VPS53: variants seen among roughly 807,000 people sequenced by gnomAD.
VPS53 encodes vacuolar protein sorting-associated protein 53 homolog.
In VPS53, 70 loss-of-function variants were observed where a neutral mutation model predicts 107.0. The observed-to-expected ratio is 0.65, with a 90% confidence interval of 0.54 to 0.80. The LOEUF (loss-of-function observed/expected upper bound fraction) is 0.80. Ranked by LOEUF, VPS53 falls within the 30% of genes least tolerant of loss-of-function variation. The probability of loss-of-function intolerance (pLI) is 0.00; values close to 1 mark genes in which losing one functional copy is unlikely to be tolerated. For missense variants in VPS53, 917 were observed against 1,049.4 expected (o/e 0.87, Z 1.74); for synonymous variants, 409 against 393.3 (o/e 1.04, Z -0.47).
chr17:626,721 G>T (rs1405493861), intron 10 of VPS53, among the ~76,000 whole-genome samples: 1 of 152,168 alleles, frequency 6.6e-6, no homozygotes, highest in Admixed American at 6.5e-5. Flanking sequence ...ACTGTATTGG[G>T]AGTGGGAAAT....
chr17:545,471 T>A (rs1911108509), intron 17 of VPS53, among the ~76,000 whole-genome samples: 1 of 152,206 alleles, frequency 6.6e-6, no homozygotes, highest in Admixed American at 6.5e-5. Flanking sequence ...CCTAAAGGTT[T>A]CAGGGATTCT....
At chr17:521,818 T>C in intron 19 of VPS53, 80 bp from the exon 20 acceptor site, 1 of 1,356,184 alleles carries the variant, frequency 7.4e-7, no homozygotes, top group Non-Finnish European at 9.6e-7. Context: ...GAGTCATGTT[T>C]TTCTCGTTAT....
intron 14 of VPS53, among the ~76,000 whole-genome samples, chr17:561,758 C>G (rs1253227503): frequency 1.3e-5 from 2 of 152,146 alleles, no homozygotes; most frequent in African/African-American, 4.8e-5. Context: ...GCCTCCCGAG[C>G]AGCCGGGACT....
At chr17:565,775 C>T (rs1221672508) in intron 13 of VPS53, among the ~76,000 whole-genome samples, 7 of 152,188 alleles carry the variant, frequency 4.6e-5, no homozygotes, top group Non-Finnish European at 7.3e-5. Flanking sequence ...CTGGCCAAAA[C>T]GCTCTCCCAC....
At chr17:564,918 T>TG (rs766779849) in intron 13 of VPS53, among the ~76,000 whole-genome samples, 9 of 152,146 alleles carry the variant, frequency 5.9e-5, no homozygotes, top group Non-Finnish European at 1.2e-4. Context: ...GTGTGAAGAA[T>TG]GGGAAGGGTT....
chr17:671,852 C>A (rs1971960834), intron 4 of VPS53, among the ~76,000 whole-genome samples: 1 of 152,034 alleles, frequency 6.6e-6, no homozygotes. Flanking sequence ...CCACACCCAG[C>A]TAATTTTTGT....
At position 532,987 on chromosome 17, in the gene VPS53, C is replaced by T. The variant is rs556742061; in HGVS notation, c.2016-76G>A. ...GAAATGCAAAAACTTTAAGGTTCCA[C>T]GTATCTCCATGAAAAAACCTTTTTT... is the stretch of plus-strand genomic sequence containing the variant. On this transcript the variant is annotated intron_variant, in intron 18 of 21. Transcript: ENST00000437048. The T allele has an allele frequency of 6.6e-5, 102 of 1,538,296 alleles. No individual in the cohort carries two copies. In the East Asian group the frequency reaches 2.2e-3, roughly 33 times the overall value.
intron 11 of VPS53, among the ~76,000 whole-genome samples, chr17:604,167 T>C (rs1235306052): frequency 6.6e-6 from 1 of 152,190 alleles, no homozygotes; most frequent in African/African-American, 2.4e-5. Flanking sequence ...TTTTAAAACA[T>C]AATGTGTTAT....
intron 11 of VPS53, among the ~76,000 whole-genome samples, chr17:618,910 C>G (rs992962970): frequency 2.1e-5 from 3 of 145,792 alleles, no homozygotes; most frequent in African/African-American, 7.7e-5. Context: ...CTAATATTTT[C>G]TGGGTAGCTG....
At chr17:544,603 G>A (rs1911040985) in intron 17 of VPS53, among the ~76,000 whole-genome samples, 1 of 152,168 alleles carries the variant, frequency 6.6e-6, no homozygotes, top group African/African-American at 2.4e-5. Flanking sequence ...CTCCCAAGTA[G>A]CTAAAAGATC....
At chr17:583,822 C>T (rs966407386) in intron 13 of VPS53, among the ~76,000 whole-genome samples, 1 of 150,766 alleles carries the variant, frequency 6.6e-6, no homozygotes, top group East Asian at 2.0e-4. Context: ...CCCAGAGAAC[C>T]TCCTTCAGAA....
intron 4 of VPS53, among the ~76,000 whole-genome samples, chr17:672,153 A>ACACACACACACCCACACACAC (rs1193028603): frequency 1.7e-5 from 1 of 58,382 alleles, no homozygotes; most frequent in Admixed American, 1.7e-4. Flanking sequence ...CACACACACA[A>ACACACACACACCCACACACAC]TCTCTCTCTC....
rs188776754 is a variant in VPS53 at position 708,058 on chromosome 17, T to A, written c.168+2475A>T. Among the ~76,000 whole-genome samples, 7 of 152,278 alleles carry A rather than the reference T, an allele frequency of 4.6e-5. No individual in the cohort carries two copies. The East Asian group carries it at 1.4e-3, about 29-fold the overall frequency. On this transcript the variant is annotated intron_variant, in intron 2 of 21. Transcript: ENST00000437048. ...GTCCTGTGTTTAGAAGGGCCTTCTGTAGGGTCCAGCCCTACGGGGCCTTGT... is the reference window on the plus strand; with the variant it reads ...GTCCTGTGTTTAGAAGGGCCTTCTGAAGGGTCCAGCCCTACGGGGCCTTGT...
chr17:610,603 T>C (rs1391318651), intron 11 of VPS53, among the ~76,000 whole-genome samples: 2 of 151,952 alleles, frequency 1.3e-5, no homozygotes, highest in African/African-American at 4.8e-5. Flanking sequence ...ATATGTCTGA[T>C]ACATGATAAA....
chr17:527,187 C>T (rs954522938), intron 19 of VPS53, among the ~76,000 whole-genome samples: 6 of 152,210 alleles, frequency 3.9e-5, no homozygotes, highest in Non-Finnish European at 8.8e-5. Context: ...CTCATGCTCT[C>T]GTCCAGTCAA....
intron 7 of VPS53, among the ~76,000 whole-genome samples, chr17:652,798 C>T (rs1971007899): frequency 6.6e-6 from 1 of 152,194 alleles, no homozygotes; most frequent in South Asian, 2.1e-4. Flanking sequence ...GTTTCTCTCA[C>T]AAATGGGGAC....
At chr17:714,490 C>A in intron 1 of VPS53, 133 bp downstream of exon 1, 1 of 786,714 alleles carries the variant, frequency 1.3e-6, no homozygotes, top group South Asian at 1.7e-5. Context: ...CCCGCACCAC[C>A]TCCCCACCTC....
intron 7 of VPS53, among the ~76,000 whole-genome samples, chr17:651,896 C>G (rs1260923636): frequency 6.6e-6 from 1 of 152,134 alleles, no homozygotes; most frequent in Non-Finnish European, 1.5e-5. Flanking sequence ...ACTTTCCTTT[C>G]CACTGGATCT....
intron 7 of VPS53, among the ~76,000 whole-genome samples, chr17:637,187 T>A (rs911678296): frequency 6.6e-6 from 1 of 152,212 alleles, no homozygotes; most frequent in African/African-American, 2.4e-5. Context: ...TCTTCTAGAT[T>A]TTGTAGTTTA....
Sources: allele counts gnomAD v4.1 joint callset (sites outside exome capture counted in the v4.1 genomes callset), GRCh38; gene constraint gnomAD v4.1.1; transcripts MANE v1.5; gene names NCBI Gene and HGNC (gene_info 2026-07-23, HGNC 2026-07-21).